TMEFF1: variants seen among roughly 807,000 people sequenced by gnomAD.
TMEFF1 encodes the protein transmembrane protein with EGF like and two follistatin like domains 1.
Under a neutral mutation model 47.5 loss-of-function variants are expected in TMEFF1, and 20 were observed. That is an observed-to-expected ratio of 0.42 (90% CI 0.30 to 0.61). TMEFF1 has a LOEUF of 0.61. Ranked by LOEUF, TMEFF1 falls within the 20% of genes least tolerant of loss-of-function variation. TMEFF1 has a pLI of 0.19. For missense variants in TMEFF1, 411 were observed against 471.1 expected (o/e 0.87, Z 1.18); for synonymous variants, 162 against 166.3 (o/e 0.97, Z 0.20).
chr9:100,509,626 T>C (rs1488419422), intron 3 of TMEFF1, among the ~76,000 whole-genome samples: 1 of 151,970 alleles, frequency 6.6e-6, no homozygotes, highest in Non-Finnish European at 1.5e-5. Flanking sequence ...TACAAAAAAT[T>C]AGCTGGGTGT....
chr9:100,558,708 CTG>C (rs1193195493), intron 7 of TMEFF1, among the ~76,000 whole-genome samples: 7 of 151,944 alleles, frequency 4.6e-5, no homozygotes, highest in East Asian at 3.9e-4. Context: ...CAATTTATAA[CTG>C]TTTTTTCTCC....
intron 1 of TMEFF1, among the ~76,000 whole-genome samples, chr9:100,479,830 T>A (rs566923664): frequency 6.6e-6 from 1 of 152,242 alleles, no homozygotes; most frequent in African/African-American, 2.4e-5. Flanking sequence ...GCTGTAACAT[T>A]CATGGACAAG....
At chr9:100,478,283 G>T (rs558777321) in intron 1 of TMEFF1, among the ~76,000 whole-genome samples, 35 of 152,242 alleles carry the variant, frequency 2.3e-4, no homozygotes, top group African/African-American at 8.2e-4. Context: ...ATGGGCCTTT[G>T]GTTTATCTCT....
chr9:100,516,576 A>G, intron 4 of TMEFF1, 99 bp from the exon 5 acceptor site: 9 of 1,448,408 alleles, frequency 6.2e-6, no homozygotes, highest in South Asian at 4.3e-5. Flanking sequence ...GCTCAGGTAC[A>G]TTTTCCTCAG....
At position 100,539,103 on chromosome 9, in the gene TMEFF1, G is replaced by A. The variant is rs375062960; in HGVS notation, c.561-8641G>A. 4.0e-4 allele frequency among the ~76,000 whole-genome samples: 61 copies of A among 152,056 alleles called. No homozygotes were observed. The East Asian group carries it at 9.5e-3, about 24-fold the overall frequency. ...TGTATTTTAGTAGAGACAGGGTTTC[G>A]CCATGTTGGCCAGGCTGGTCTTGAA... On this transcript the variant is annotated intron_variant, in intron 5 of 9. Coordinates refer to ENST00000374879, the MANE Select transcript of TMEFF1 (RefSeq NM_003692.5).
intron 7 of TMEFF1, among the ~76,000 whole-genome samples, chr9:100,560,107 T>C (rs1055369096): frequency 2.6e-5 from 4 of 152,204 alleles, no homozygotes; most frequent in Admixed American, 1.3e-4. Context: ...TTCATTCCTT[T>C]TTAATTTGTT....
At chr9:100,548,448 T>C (rs1838776086) in intron 6 of TMEFF1, among the ~76,000 whole-genome samples, 1 of 152,192 alleles carries the variant, frequency 6.6e-6, no homozygotes, top group Non-Finnish European at 1.5e-5. Context: ...GAAACCATGA[T>C]ACCATATAAG....
At chr9:100,508,799 T>G (rs894772017) in intron 2 of TMEFF1, among the ~76,000 whole-genome samples, 1 of 151,882 alleles carries the variant, frequency 6.6e-6, no homozygotes, top group African/African-American at 2.4e-5. Flanking sequence ...CTCATTTTTT[T>G]GGATAGTTGG....
intron 5 of TMEFF1, among the ~76,000 whole-genome samples, chr9:100,541,571 A>C (rs1485922513): frequency 6.6e-6 from 1 of 151,668 alleles, no homozygotes; most frequent in Non-Finnish European, 1.5e-5. Flanking sequence ...GATGGGTTTC[A>C]CTACGTTGGC....
chr9:100,482,347 G>A (rs188490795), intron 1 of TMEFF1, among the ~76,000 whole-genome samples: 11 of 152,042 alleles, frequency 7.2e-5, no homozygotes, highest in Admixed American at 3.3e-4. Context: ...ACAGGTGCAC[G>A]CCACCACGCC....
At chr9:100,530,557 A>T (rs563110813) in intron 5 of TMEFF1, among the ~76,000 whole-genome samples, 1 of 152,234 alleles carries the variant, frequency 6.6e-6, no homozygotes, top group South Asian at 2.1e-4. Flanking sequence ...ATCTCTGAAT[A>T]GACCAATAAC....
chr9:100,511,720 T>C (rs1306221419), intron 3 of TMEFF1, among the ~76,000 whole-genome samples: 1 of 152,212 alleles, frequency 6.6e-6, no homozygotes, highest in Admixed American at 6.5e-5. Context: ...TCTATACATA[T>C]ACCATATTGT....
chr9:100,501,908 G>A (rs1837769812), intron 2 of TMEFF1, among the ~76,000 whole-genome samples: 1 of 152,156 alleles, frequency 6.6e-6, no homozygotes, highest in Admixed American at 6.5e-5. Context: ...CTCCCAAAGT[G>A]CTGGGATTAC....
intron 1 of TMEFF1, among the ~76,000 whole-genome samples, chr9:100,493,839 G>C (rs1837601926): frequency 6.6e-6 from 1 of 152,118 alleles, no homozygotes; most frequent in South Asian, 2.1e-4. Flanking sequence ...TCCCAAAATA[G>C]ATTCCTTCTG....
rs553985526 is a variant in TMEFF1, at chr9:100,498,534, C to A, written c.197-231C>A. 2.0e-5 allele frequency among the ~76,000 whole-genome samples: 3 copies of A among 152,134 alleles called. No individual in the cohort carries two copies. In the East Asian group the frequency reaches 5.8e-4, roughly 29 times the overall value. On this transcript the variant is annotated intron_variant, in intron 1 of 9. Transcript: ENST00000374879. ...ATGTTAAGTCCTGAAATTTTGAGTT[C>A]TATTTTGAGTTACTTTTAGGCTCAT...
At chr9:100,501,460 G>T (rs1837757856) in intron 2 of TMEFF1, among the ~76,000 whole-genome samples, 1 of 151,714 alleles carries the variant, frequency 6.6e-6, no homozygotes, top group South Asian at 2.1e-4. Flanking sequence ...TCTGTGTCTA[G>T]TTTCTGGGGT....
intron 2 of TMEFF1, among the ~76,000 whole-genome samples, chr9:100,501,583 TATTC>T (rs912052109): frequency 6.6e-6 from 1 of 152,174 alleles, no homozygotes; most frequent in African/African-American, 2.4e-5. Context: ...GAGCATTTGA[TATTC>T]ATTAACTCAT....
Position 100,530,673 on chromosome 9 carries a change from A to G in TMEFF1, c.560+13902A>G, listed in dbSNP as rs576876402. ...ACCAGAGGTACAAGGAGGAACTGGT[A>G]CCATTCCTTCTGAAACTATTCCAAT... On this transcript the variant is annotated intron_variant, in intron 5 of 9. Coordinates refer to ENST00000374879, the MANE Select transcript of TMEFF1 (RefSeq NM_003692.5). Among the ~76,000 whole-genome samples the G allele has an allele frequency of 3.9e-3, 594 of 152,294 alleles. 2 individuals carry two copies. Among genetic ancestry groups the G allele is most frequent in the African/African-American group, 0.013 (560 of 41,552 alleles).
chr9:100,545,956 T>G (rs1361607465), intron 5 of TMEFF1, among the ~76,000 whole-genome samples: 1 of 152,166 alleles, frequency 6.6e-6, no homozygotes, highest in Non-Finnish European at 1.5e-5. Flanking sequence ...GCCTGGACTT[T>G]ATTGTTTGTG....
Sources: allele counts gnomAD v4.1 joint callset (sites outside exome capture counted in the v4.1 genomes callset), GRCh38; gene constraint gnomAD v4.1.1; transcripts MANE v1.5; gene names NCBI Gene and HGNC (gene_info 2026-07-23, HGNC 2026-07-21).